Variants in AHSG observed in about 807,000 individuals in gnomAD.
AHSG encodes alpha 2-HS glycoprotein, also known as alpha-2-HS-glycoprotein.
Under a neutral mutation model 30.1 loss-of-function variants are expected in AHSG, and 23 were observed. The ratio of observed to expected loss-of-function variants is 0.76; its 90% CI spans 0.55 to 1.08. AHSG has a LOEUF of 1.08. Ranked by LOEUF, AHSG falls within the 50% of genes least tolerant of loss-of-function variation. The probability of loss-of-function intolerance (pLI) is 0.00; values close to 1 mark genes in which losing one functional copy is unlikely to be tolerated. For synonymous variants in AHSG, 164 were observed against 186.3 expected, an observed-to-expected ratio of 0.88 and a Z score of 0.98; for missense variants, 469 against 459.5, an observed-to-expected ratio of 1.02 and a Z score of -0.19.
At chr3:186,619,985 T>C in intron 6 of AHSG, 45 bp downstream of exon 6, 1 of 1,464,094 alleles carries the variant, frequency 6.8e-7, no homozygotes, top group East Asian at 2.3e-5. Flanking sequence ...CAGAATACAA[T>C]GACCCCTTCA....
intron 3 of AHSG, 49 bp from the exon 4 acceptor site, chr3:186,617,138 A>T (rs779061278): frequency 2.5e-6 from 4 of 1,575,884 alleles, no homozygotes. Flanking sequence ...AGCTGGGGCC[A>T]TGCCAGGGAG....
intron 1 of AHSG, 39 bp downstream of exon 1, chr3:186,613,393 A>T (rs1466098592): frequency 6.5e-7 from 1 of 1,538,174 alleles, no homozygotes; most frequent in East Asian, 2.3e-5. Flanking sequence ...AATAATGTGT[A>T]CATGGAGCTC....
At position 186,615,727 on chromosome 3, in the gene AHSG, G is replaced by A. The variant is rs374953444; in HGVS notation, c.256G>A (p.Glu86Lys). 2.5e-6 allele frequency: 4 copies of A among 1,614,106 alleles called. No homozygotes were observed. The highest frequency in any genetic ancestry group is 3.4e-6 in the Non-Finnish European group (4 of 1,180,054). ...GTTTGAGATTGAAATAGACACCCTG[G>A]AAACCACCTGCCATGTGCTGGACCC... ...ELFEIEIDTL[E>K]TTCHVLDPTP... The change falls in exon 2 of 7, where the codon GAA becomes AAA. Residue 86 changes from glutamate to lysine, a missense_variant. Glu to Lys is a moderately conservative substitution (Grantham distance 56). Transcript: ENST00000411641.
chr3:186,621,015 G>T lies in AHSG; in HGVS notation c.*85G>T, dbSNP rs116695689. On this transcript the variant is annotated 3_prime_UTR_variant, in exon 7 of 7. Transcript: ENST00000411641. ...AGCCTGGGCATGGGTGGGGGGCCTTGTCTGCTGGCCACGCAAGTGTCACAT... is the reference window on the plus strand; with the variant it reads ...AGCCTGGGCATGGGTGGGGGGCCTTTTCTGCTGGCCACGCAAGTGTCACAT... 1.8e-4 allele frequency: 235 copies of T among 1,340,608 alleles called. No homozygotes were observed. The African/African-American group carries it at 2.9e-3, about 17-fold the overall frequency. The allele number at this position is 1,340,608 out of a possible 1,614,324, so 83.0% of individuals were successfully genotyped here.
chr3:186,618,974 A>T (rs1262234527), intron 5 of AHSG, among the ~76,000 whole-genome samples: 1 of 152,162 alleles, frequency 6.6e-6, no homozygotes, highest in African/African-American at 2.4e-5. Flanking sequence ...TTGAGCCAAT[A>T]ATGTACACTT....
At chr3:186,615,847 G>A (rs1379896073) in intron 2 of AHSG, 52 bp downstream of exon 2, 2 of 1,500,758 alleles carry the variant, frequency 1.3e-6, no homozygotes, top group South Asian at 1.1e-5. Flanking sequence ...CAGCTCCACC[G>A]ATTCACCCAG....
At chr3:186,620,384 C>G (rs1716443709) in intron 6 of AHSG, among the ~76,000 whole-genome samples, 1 of 152,136 alleles carries the variant, frequency 6.6e-6, no homozygotes, top group Non-Finnish European at 1.5e-5. Flanking sequence ...CCTAGTGAGG[C>G]CGGGGCCAAC....
chr3:186,618,772 G>A, intron 5 of AHSG, 135 bp downstream of exon 5: 1 of 1,429,594 alleles, frequency 7.0e-7, no homozygotes, highest in Non-Finnish European at 9.3e-7. Context: ...GTGGATCACG[G>A]CAAGCCTTCT....
chr3:186,616,596 T>C lies in AHSG; in HGVS notation c.409+69T>C, dbSNP rs538131134. 94 of 1,307,228 alleles carry C rather than the reference T, an allele frequency of 7.2e-5. No individual in the cohort carries two copies. In the Middle Eastern group the frequency reaches 7.3e-4, roughly 10 times the overall value. 81.0% of individuals were successfully genotyped at this position (1,307,228 alleles called of 1,614,324 possible). A position where few individuals can be genotyped will look rare whatever the true frequency, so the allele number is the denominator to read the frequency against. ...AGTGGGGAAGGGATCTGAATAATTTTCAACTTAAGTAGTTCTAGCAGCTTT... is the reference window on the plus strand; with the variant it reads ...AGTGGGGAAGGGATCTGAATAATTTCCAACTTAAGTAGTTCTAGCAGCTTT... On this transcript the variant is annotated intron_variant, in intron 3 of 6. Coordinates refer to ENST00000411641, the MANE Select transcript of AHSG (RefSeq NM_001622.4).
At chr3:186,619,432 C>T (rs886850128) in intron 5 of AHSG, among the ~76,000 whole-genome samples, 3 of 152,068 alleles carry the variant, frequency 2.0e-5, no homozygotes, top group Admixed American at 2.0e-4. Context: ...ATTGAATAAT[C>T]CATGCACATC....
chr3:186,614,013 A>G (rs1716223290), intron 1 of AHSG, among the ~76,000 whole-genome samples: 1 of 151,890 alleles, frequency 6.6e-6, no homozygotes, highest in African/African-American at 2.4e-5. Flanking sequence ...CTTCTTCTAC[A>G]CAAACTGCCT....
At chr3:186,616,334 C>T in intron 2 of AHSG, 109 bp from the exon 3 acceptor site, 1 of 727,522 alleles carries the variant, frequency 1.4e-6, no homozygotes, top group Non-Finnish European at 2.3e-6. Context: ...CAGTATTACC[C>T]AGCAAAGGCG....
At chr3:186,618,698 A>T in intron 5 of AHSG, 61 bp downstream of exon 5, 1 of 1,583,136 alleles carries the variant, frequency 6.3e-7, no homozygotes, top group Non-Finnish European at 8.6e-7. Context: ...GGAACAGAAC[A>T]TCCTTGGATA....
chr3:186,620,669 T>C lies in AHSG; in HGVS notation c.843T>C (p.Pro281=), dbSNP rs557129579. 41 of 1,613,966 alleles carry C rather than the reference T, an allele frequency of 2.5e-5. No homozygotes were observed. The highest frequency in any genetic ancestry group is 5.0e-5 in the Admixed American group (3 of 60,014). Residue 281 remains proline (P), a synonymous_variant, in exon 7 of 7, where the codon CCT becomes CCC. Transcript: ENST00000411641. The stretch of plus-strand genomic sequence containing the variant: ...TGGACCCAGATGCACCTCCGTCCCC[T>C]CCACTTGGCGCACCTGGACTCCCTC... The part of the protein sequence containing the change: ...PVVDPDAPPS[P]PLGAPGLPPA...
chr3:186,614,819 C>T (rs1233253553), intron 1 of AHSG, among the ~76,000 whole-genome samples: 1 of 152,138 alleles, frequency 6.6e-6, no homozygotes, highest in Non-Finnish European at 1.5e-5. Context: ...GCTTCAGGTA[C>T]TAGTGAATCA....
chr3:186,615,875 T>C, intron 2 of AHSG, 80 bp downstream of exon 2: 1 of 1,314,978 alleles, frequency 7.6e-7, no homozygotes, highest in East Asian at 2.4e-5. Context: ...GCCTGCCTTC[T>C]TGGCTAGCCA....
intron 3 of AHSG, 93 bp from the exon 4 acceptor site, chr3:186,617,094 C>A (rs1451441989): frequency 1.3e-6 from 2 of 1,521,192 alleles, no homozygotes; most frequent in Non-Finnish European, 1.8e-6. Context: ...CTGAAGCTAT[C>A]TGGGGAATGC....
In AHSG at chr3:186,616,518, T is replaced by A; in HGVS notation, c.400T>A (p.Ser134Thr). 6.2e-7 allele frequency: 1 copy of A among 1,610,660 alleles called. No homozygotes were observed. Among genetic ancestry groups the A allele is most frequent in the Non-Finnish European group, 8.5e-7 (1 of 1,178,186 alleles). Residue 134 changes from serine to threonine, a missense_variant, in exon 3 of 7, where the codon TCC becomes ACC. Physicochemically the swap from Ser to Thr is moderately conservative, Grantham distance 58 (BLOSUM62 1). Transcript: ENST00000411641. ...TTCCGTGGTATACGCAAAATGTGAT[T>A]CCAGTCCAGGTACAGATGACTATTC... ...KFSVVYAKCD[S>T]SPDSAEDVRK...
intron 1 of AHSG, among the ~76,000 whole-genome samples, chr3:186,615,341 T>A (rs748163903): frequency 1.3e-5 from 2 of 152,144 alleles, no homozygotes; most frequent in Non-Finnish European, 2.9e-5. Context: ...ATTAAATAAA[T>A]AATAAATACA....
Sources: gnomAD v4.1 joint callset for allele counts (sites outside exome capture counted in the v4.1 genomes callset) on GRCh38, gnomAD v4.1.1 for gene constraint, MANE v1.5 for transcripts, NCBI Gene and HGNC (gene_info 2026-07-23, HGNC 2026-07-21) for gene names.